The following MYPN variants were observed in gnomAD, a reference collection of about 807,000 sequenced individuals.
MYPN encodes sarcomeric protein myopalladin, 145 kDa (MYOP).
MYPN carries 63 observed loss-of-function variants against 129.4 expected under a neutral mutation model. That is an observed-to-expected ratio of 0.49 (90% CI 0.40 to 0.60). The LOEUF (loss-of-function observed/expected upper bound fraction) is 0.60. Among genes scored for constraint, MYPN ranks in the 20% least tolerant of loss-of-function variants. The pLI, the probability that MYPN is intolerant of heterozygous loss-of-function variation, is 0.00. For synonymous variants in MYPN, 629 were observed against 600.9 expected (o/e 1.05, Z -0.68); for missense variants, 1,596 against 1,635.4 (o/e 0.98, Z 0.42).
intron 12 of MYPN, among the ~76,000 whole-genome samples, chr10:68,179,658 T>C (rs1344044778): frequency 6.6e-6 from 1 of 152,166 alleles, no homozygotes; most frequent in Non-Finnish European, 1.5e-5. Context: ...TTTTAAAAGA[T>C]GAAAACTTTT....
intron 4 of MYPN, among the ~76,000 whole-genome samples, chr10:68,147,446 C>T (rs763222704): frequency 5.9e-5 from 9 of 152,232 alleles, no homozygotes; most frequent in South Asian, 4.1e-4. Context: ...TGTGAGCCAC[C>T]GTGCCCCCTC....
At chr10:68,135,396 C>A (rs547495450) in intron 2 of MYPN, 2 of 798,038 alleles carry the variant, frequency 2.5e-6, no homozygotes, top group South Asian at 5.7e-5. Context: ...AATTGTGTCA[C>A]AAAATTCAAC....
chr10:68,136,091 T>C, intron 2 of MYPN: 1 of 305,240 alleles, frequency 3.3e-6, no homozygotes, highest in Non-Finnish European at 4.8e-6. Flanking sequence ...GTCATAATAT[T>C]TATCCAAGCC....
intron 18 of MYPN, among the ~76,000 whole-genome samples, chr10:68,204,744 A>AAAAAG (rs908401491): frequency 5.3e-5 from 8 of 151,346 alleles, no homozygotes; most frequent in African/African-American, 1.2e-4. Flanking sequence ...AAAAAAAAAA[A>AAAAAG]AGAGAATACA....
intron 11 of MYPN, 106 bp from the exon 12 acceptor site, chr10:68,175,217 A>G: frequency 8.2e-7 from 1 of 1,217,458 alleles, no homozygotes; most frequent in African/African-American, 1.5e-5. Context: ...CTAAGTGCCT[A>G]ATGACCGCTG....
chr10:68,182,248 AAC>A (rs541937218), intron 12 of MYPN, among the ~76,000 whole-genome samples: 23 of 77,258 alleles, frequency 3.0e-4, no homozygotes, highest in African/African-American at 8.6e-4. Context: ...ACATATATAT[AAC>A]ACACATATAT....
At chr10:68,093,429 G>C (rs2041940043) in intron 1 of MYPN, among the ~76,000 whole-genome samples, 1 of 151,998 alleles carries the variant, frequency 6.6e-6, no homozygotes, top group Admixed American at 6.6e-5. Flanking sequence ...TAAAGTGAAA[G>C]CAAGTTTATT....
chr10:68,210,286 C>G lies in MYPN; in HGVS notation c.3794C>G (p.Ala1265Gly). The change falls in exon 20 of 20, where the codon GCT becomes GGT. Residue 1265 changes from alanine to glycine, a missense_variant and splice_region_variant. Physicochemically the swap from Ala to Gly is moderately conservative, Grantham distance 60. Coordinates refer to ENST00000358913, the MANE Select transcript of MYPN (RefSeq NM_032578.4). ...VSCTARLDIY[A>G]QWHHQIPPPM... Reference sequence around the variant, plus strand: ...ACACATTATTTGGTCCATTTTCCAGCTCAGTGGCACCATCAGATCCCACCG... The same window carrying G: ...ACACATTATTTGGTCCATTTTCCAGGTCAGTGGCACCATCAGATCCCACCG... The G allele has an allele frequency of 6.2e-7, 1 of 1,613,324 alleles. No homozygotes were observed. Among genetic ancestry groups the G allele is most frequent in the East Asian group, 2.2e-5 (1 of 44,874 alleles).
chr10:68,161,848 A>C, intron 8 of MYPN, 96 bp downstream of exon 8: 1 of 1,039,148 alleles, frequency 9.6e-7, no homozygotes, highest in East Asian at 2.6e-5. Flanking sequence ...TAAAAAGTGA[A>C]AAATAAAGTT....
intron 10 of MYPN, among the ~76,000 whole-genome samples, chr10:68,170,936 G>A (rs1002166212): frequency 6.6e-6 from 1 of 151,962 alleles, no homozygotes; most frequent in Non-Finnish European, 1.5e-5. Context: ...ATCACTTGAG[G>A]TCAGGAGTTC....
At chr10:68,099,803 A>G (rs1054797355) in intron 1 of MYPN, among the ~76,000 whole-genome samples, 10 of 152,176 alleles carry the variant, frequency 6.6e-5, no homozygotes, top group African/African-American at 9.7e-5. Context: ...GAAGTCATGA[A>G]ATCAAGGTAA....
intron 8 of MYPN, chr10:68,162,013 TA>T: frequency 3.4e-6 from 1 of 293,570 alleles, no homozygotes; most frequent in South Asian, 5.0e-5. Flanking sequence ...ACTAAAAATA[TA>T]AAAATTAGCC....
At chr10:68,148,849 T>C (rs547857042) in intron 5 of MYPN, among the ~76,000 whole-genome samples, 3 of 152,192 alleles carry the variant, frequency 2.0e-5, no homozygotes, top group Non-Finnish European at 4.4e-5. Flanking sequence ...AGCAAGCATG[T>C]AGTTATTTTT....
At chr10:68,159,003 C>T (rs879678101) in intron 7 of MYPN, among the ~76,000 whole-genome samples, 4 of 151,944 alleles carry the variant, frequency 2.6e-5, no homozygotes, top group African/African-American at 4.8e-5. Context: ...TCGGTTCAAG[C>T]GATTCTCTTG....
intron 1 of MYPN, among the ~76,000 whole-genome samples, chr10:68,114,829 G>A (rs1400891444): frequency 6.6e-6 from 1 of 152,028 alleles, no homozygotes; most frequent in Non-Finnish European, 1.5e-5. Context: ...CACATTAATT[G>A]TTTCATTTCC....
rs397772398 is a variant in MYPN at position 68,178,727 on chromosome 10, A to AAAAG, written c.2703+3266_2703+3267insAAAG. Among the ~76,000 whole-genome samples the AAAAG allele has an allele frequency of 6.1e-3, 917 of 150,910 alleles. 21 individuals are homozygous for AAAAG. Among genetic ancestry groups the AAAAG allele is most frequent in the African/African-American group, 0.021 (878 of 41,070 alleles). The stretch of plus-strand genomic sequence containing the variant: ...GACTCTGCCTCAAAAAAAAAAAAAA[A>AAAAG]GGAATCCAGGATCACAAAGCATAAT... On this transcript the variant is annotated intron_variant, in intron 12 of 19. Transcript: ENST00000358913.
At chr10:68,140,039 G>A (rs927043780) in intron 2 of MYPN, among the ~76,000 whole-genome samples, 1 of 152,210 alleles carries the variant, frequency 6.6e-6, no homozygotes, top group African/African-American at 2.4e-5. Context: ...ATTGGGAAGA[G>A]GGTCAGGGAG....
rs758026056 is a variant in MYPN at position 68,121,746 on chromosome 10, A to T, written c.308A>T (p.Asp103Val). 1.1e-5 allele frequency: 17 copies of T among 1,614,108 alleles called. No homozygotes were observed. Among genetic ancestry groups the T allele is most frequent in the Admixed American group, 8.3e-5 (5 of 59,998 alleles). The change falls in exon 2 of 20, where the codon GAT becomes GTT. Residue 103 changes from aspartate (D) to valine (V), a missense_variant. Asp to Val is a radical substitution (Grantham distance 152). Coordinates refer to ENST00000358913, the MANE Select transcript of MYPN (RefSeq NM_032578.4). ...ETQARKRLSP[D>V]QMKHSPNLSF... ...CAAGCTAGAAAACGACTTTCTCCTG[A>T]TCAGATGAAACACTCACCTAATTTA... is the stretch of plus-strand genomic sequence containing the variant.
chr10:68,104,759 G>T (rs2041999514), upstream of MYPN, among the ~76,000 whole-genome samples: 2 of 152,130 alleles, frequency 1.3e-5, no homozygotes, highest in African/African-American at 4.8e-5. Flanking sequence ...TTTACTAAAA[G>T]AAAGATATAT....
Sources: allele counts gnomAD v4.1 joint callset (sites outside exome capture counted in the v4.1 genomes callset), GRCh38; gene constraint gnomAD v4.1.1; transcripts MANE v1.5; gene names NCBI Gene and HGNC (gene_info 2026-07-23, HGNC 2026-07-21).